Variants in RIF1 observed in about 807,000 individuals in gnomAD.
RIF1 encodes the protein replication timing regulatory factor 1.
RIF1 carries 45 observed loss-of-function variants against 247.1 expected under a neutral mutation model. That is an observed-to-expected ratio of 0.18 (90% confidence interval 0.14 to 0.23). The LOEUF is 0.23. Among genes scored for constraint, RIF1 ranks in the 10% least tolerant of loss-of-function variants. The probability of loss-of-function intolerance (pLI) is 1.00; values close to 1 mark genes in which losing one functional copy is unlikely to be tolerated. For synonymous variants in RIF1, 1,087 were observed against 978.8 expected, an observed-to-expected ratio of 1.11 and a Z score of -2.06; for missense variants, 2,967 against 2,862.5, an observed-to-expected ratio of 1.04 and a Z score of -0.83.
chr2:151,519,954 G>T, the RIF1 span: 1 of 456,770 alleles, frequency 2.2e-6, no homozygotes, highest in Non-Finnish European at 3.9e-6. Flanking sequence ...CAAGACAACA[G>T]GCATTCAAAT....
rs557951728 is a variant in RIF1 at position 151,498,281 on chromosome 2, G to T, written c.*514-1064G>T. ...ATACCGAGCTAAGGTTTTCTTGATT[G>T]TGTTTGACTCTCTGCATCTCAGGAG... On this transcript the variant is annotated intron_variant and NMD_transcript_variant, in intron 10 of 13. Transcript: ENST00000454583. 1.4e-5 allele frequency: 22 copies of T among 1,551,428 alleles called. No individual in the cohort carries two copies. The African/African-American group carries it at 2.6e-4, about 18-fold the overall frequency.
Position 151,413,262 on chromosome 2 carries a change from A to C in RIF1, c.184-1561A>C, listed in dbSNP as rs1573835938. On this transcript the variant is annotated intron_variant, in intron 3 of 35. Transcript: ENST00000444746. Reference sequence around the variant, plus strand: ...TGATCAGGCTGGTCTCGAACTGCCGACCTCAGGTGATCCGCCCACCTTGGC... The same window carrying C: ...TGATCAGGCTGGTCTCGAACTGCCGCCCTCAGGTGATCCGCCCACCTTGGC... 3.3e-5 allele frequency among the ~76,000 whole-genome samples: 5 copies of C among 151,818 alleles called. 1 individual carries two copies. The highest frequency in any genetic ancestry group is 3.3e-4 in the Admixed American group (5 of 15,244).
Position 151,465,288 on chromosome 2 carries a change from A to G in RIF1, c.5768A>G (p.Asn1923Ser). 2 of 1,612,382 alleles carry G rather than the reference A, an allele frequency of 1.2e-6. No homozygotes were observed. The highest frequency in any genetic ancestry group is 2.2e-5 in the South Asian group (2 of 90,522). The change falls in exon 30 of 36, where the codon AAT becomes AGT. Residue 1923 changes from asparagine (N) to serine (S), a missense_variant. By Grantham distance (46) the Asn-to-Ser change is conservative. This residue lies in a region of RIF1 where 2,028 missense variants were observed against 1,825.6 expected (regional missense o/e 1.11). Transcript: ENST00000444746. Reference sequence around the variant, plus strand: ...AAAACTATGGAATTGAATGTAGGAAATGAAGCTAGCTTTCATGGACAAGAG... The same window carrying G: ...AAAACTATGGAATTGAATGTAGGAAGTGAAGCTAGCTTTCATGGACAAGAG... The part of the protein sequence containing the change: ...KAKTMELNVG[N>S]EASFHGQERT...
chr2:151,523,963 C>A, the RIF1 span, among the ~76,000 whole-genome samples: 1 of 152,086 alleles, frequency 6.6e-6, no homozygotes. Flanking sequence ...TAAATCTATC[C>A]CAGGTGACTC....
chr2:151,528,384 T>C, the RIF1 span, among the ~76,000 whole-genome samples: 1 of 152,216 alleles, frequency 6.6e-6, no homozygotes, highest in African/African-American at 2.4e-5. Flanking sequence ...AAGGTTTTTT[T>C]CCCCTCATTT....
Position 151,462,433 on chromosome 2 carries a change from A to G in RIF1, c.3330A>G (p.Arg1110=), listed in dbSNP as rs755905029. 6.4e-7 allele frequency: 1 copy of G among 1,562,090 alleles called. No individual in the cohort carries two copies. The highest frequency in any genetic ancestry group is 2.3e-5 in the East Asian group (1 of 43,730). ...TCAGGGAAATTCCTACTTTAACCAG[A>G]AAACCAAAGGAGGATTCTAAGATGA... The part of the protein sequence containing the change: ...EEPMEIPTLT[R]KPKEDSKMMI... Residue 1110 remains arginine, a synonymous_variant, in exon 29 of 36, where the codon AGA becomes AGG. Coordinates refer to ENST00000444746, the MANE Select transcript of RIF1 (RefSeq NM_018151.5).
At chr2:151,514,980 A>G in the RIF1 span, 1 of 1,135,252 alleles carries the variant, frequency 8.8e-7, no homozygotes, top group Non-Finnish European at 1.3e-6. Context: ...TTATTACAAT[A>G]TATCTCTCCA....
chr2:151,455,316 TAGTATAGAAATATGAGAGAGAAATTGGAA>T (rs1225181707), intron 22 of RIF1, among the ~76,000 whole-genome samples, 157 bp downstream of exon 22: 2 of 152,218 alleles, frequency 1.3e-5, no homozygotes, highest in African/African-American at 2.4e-5. Context: ...ATAGTTAAAA[TAGTATAGAAATATGAGAGAGAAATTGGAA>T]GTCTATTTTG....
intron 10 of RIF1, chr2:151,497,507 A>AAAG: frequency 6.7e-7 from 1 of 1,493,866 alleles, no homozygotes; most frequent in Non-Finnish European, 8.9e-7. Flanking sequence ...TAAATTTGCT[A>AAAG]AAGAAATTCA....
chr2:151,485,147 T>TA (rs2049503956), downstream of RIF1, among the ~76,000 whole-genome samples: 1 of 152,248 alleles, frequency 6.6e-6, no homozygotes, highest in South Asian at 2.1e-4. Flanking sequence ...CAGATGTTCT[T>TA]AAAACTGTAA....
rs184576166 is a variant in RIF1, at chr2:151,432,031, C to T, written c.926-1046C>T. On this transcript the variant is annotated intron_variant, in intron 9 of 35. Transcript: ENST00000444746. Reference sequence around the variant, plus strand: ...TATTTATTTATTTATTTATTCAGGACGGAGTCTCACTCTGTCACCCAGCCT... The same window carrying T: ...TATTTATTTATTTATTTATTCAGGATGGAGTCTCACTCTGTCACCCAGCCT... Among the ~76,000 whole-genome samples, 10 of 152,142 alleles carry T rather than the reference C, an allele frequency of 6.6e-5. No individual in the cohort carries two copies. The South Asian group carries it at 8.3e-4, about 13-fold the overall frequency.
chr2:151,529,408 G>A, the RIF1 span: 1 of 809,752 alleles, frequency 1.2e-6, no homozygotes, highest in Non-Finnish European at 2.1e-6. Flanking sequence ...CATGACTATA[G>A]TACACAATGC....
the RIF1 span, chr2:151,514,894 T>G: frequency 6.3e-7 from 1 of 1,583,336 alleles, no homozygotes; most frequent in Non-Finnish European, 8.6e-7. Flanking sequence ...GTTTCTGCCT[T>G]TAATGGACTC....
the RIF1 span, chr2:151,527,020 A>G: frequency 1.3e-6 from 2 of 1,584,232 alleles, no homozygotes; most frequent in East Asian, 4.5e-5. Context: ...GCTTATATTC[A>G]AACTGTGATA....
At chr2:151,447,130 A>G (rs943300687) in intron 20 of RIF1, among the ~76,000 whole-genome samples, 47 of 151,684 alleles carry the variant, frequency 3.1e-4, no homozygotes, top group African/African-American at 1.1e-3. Flanking sequence ...TTTTTAGTAG[A>G]GACGGGGTTT....
At chr2:151,532,826 G>C in the RIF1 span, among the ~76,000 whole-genome samples, 1 of 151,896 alleles carries the variant, frequency 6.6e-6, no homozygotes, top group Admixed American at 6.6e-5. Context: ...GTTTATTGCT[G>C]CATCAAATTT....
At chr2:151,531,072 G>A in the RIF1 span, 1 of 1,612,868 alleles carries the variant, frequency 6.2e-7, no homozygotes, top group African/African-American at 1.3e-5. Flanking sequence ...CTCTGGGTTT[G>A]GCCTTGTTGT....
intron 30 of RIF1, 47 bp from the exon 31 acceptor site, chr2:151,467,953 T>A: frequency 6.5e-7 from 1 of 1,546,936 alleles, no homozygotes; most frequent in Non-Finnish European, 8.7e-7. Context: ...GTGTAATTTT[T>A]TAAAAACTTT....
At chr2:151,525,893 A>G in the RIF1 span, 1 of 1,264,982 alleles carries the variant, frequency 7.9e-7, no homozygotes, top group African/African-American at 1.5e-5. Flanking sequence ...AACTGACATT[A>G]TTTCACCAGA....
Sources: gnomAD v4.1 joint callset for allele counts (sites outside exome capture counted in the v4.1 genomes callset) on GRCh38, gnomAD v4.1.1 for gene constraint, gnomAD v4.1.1 regional missense constraint, MANE v1.5 for transcripts, NCBI Gene and HGNC (gene_info 2026-07-23, HGNC 2026-07-21) for gene names.